Variants in DOCK4 observed in about 807,000 individuals in gnomAD.
DOCK4 encodes the protein dedicator of cytokinesis 4.
Under a neutral mutation model 268.1 loss-of-function variants are expected in DOCK4, and 97 were observed. That is an observed-to-expected ratio of 0.36 (90% CI 0.31 to 0.43). The LOEUF (loss-of-function observed/expected upper bound fraction) is 0.43. DOCK4 is among the 20% of genes least tolerant of loss of function. The probability of loss-of-function intolerance (pLI) is 1.00; values close to 1 mark genes in which losing one functional copy is unlikely to be tolerated. For synonymous variants in DOCK4, 954 were observed against 887.2 expected (o/e 1.08, Z -1.34); for missense variants, 2,145 against 2,455.7 (o/e 0.87, Z 2.67).
chr7:112,064,448 T>C (rs943341488), intron 1 of DOCK4, among the ~76,000 whole-genome samples: 2 of 152,102 alleles, frequency 1.3e-5, no homozygotes, highest in Non-Finnish European at 2.9e-5. Context: ...GAGCAAAAAA[T>C]TTATAAGCCA....
chr7:111,783,898 A>G lies in DOCK4; in HGVS notation c.3483T>C (p.Ile1161=). The G allele has an allele frequency of 6.2e-7, 1 of 1,606,096 alleles. No homozygotes were observed. The highest frequency in any genetic ancestry group is 1.3e-5 in the African/African-American group (1 of 74,944). Residue 1161 remains isoleucine, a synonymous_variant, in exon 34 of 53, where the codon ATT becomes ATC. Coordinates refer to ENST00000428084, the MANE Select transcript of DOCK4 (RefSeq NM_001363540.2). ...ETWRESGVSL[I]ATVTRLMERL... The stretch of plus-strand genomic sequence containing the variant: ...TCTCCATTAGACGAGTTACAGTAGC[A>G]ATTAATGAAACGCCACTTTCCCGCC...
intron 26 of DOCK4, among the ~76,000 whole-genome samples, chr7:111,828,663 C>T (rs921365494): frequency 2.0e-5 from 3 of 151,874 alleles, no homozygotes; most frequent in African/African-American, 4.8e-5. Context: ...ATTTATTCTA[C>T]AGCAATATGG....
chr7:112,176,716 AT>A (rs1169377432), intron 1 of DOCK4, among the ~76,000 whole-genome samples: 2 of 152,228 alleles, frequency 1.3e-5, no homozygotes, highest in Non-Finnish European at 2.9e-5. Flanking sequence ...AAACTGACTC[AT>A]TACAGTAAGC....
At chr7:111,807,851 C>G (rs1382027801) in intron 30 of DOCK4, 1 of 151,358 alleles carries the variant, frequency 6.6e-6, no homozygotes, top group African/African-American at 2.4e-5. Context: ...TTATATATAC[C>G]AAGGCTCCCT....
chr7:111,950,801 T>C (rs1562928962), intron 8 of DOCK4, among the ~76,000 whole-genome samples: 1 of 152,352 alleles, frequency 6.6e-6, no homozygotes, highest in African/African-American at 2.4e-5. Context: ...CATTTAATGC[T>C]GTCCTCATGA....
At chr7:112,135,303 T>C (rs1348072926) in intron 1 of DOCK4, among the ~76,000 whole-genome samples, 1 of 152,200 alleles carries the variant, frequency 6.6e-6, no homozygotes, top group Non-Finnish European at 1.5e-5. Context: ...TTAATATATT[T>C]ACGCTTTACC....
chr7:111,951,667 GAAGA>G (rs1236431512), intron 8 of DOCK4, among the ~76,000 whole-genome samples: 1 of 147,666 alleles, frequency 6.8e-6, no homozygotes, highest in Non-Finnish European at 1.5e-5. Context: ...AAAAAAAGAA[GAAGA>G]AAGAAAGAAA....
chr7:111,938,258 T>G (rs1794900807), intron 11 of DOCK4, among the ~76,000 whole-genome samples: 3 of 152,216 alleles, frequency 2.0e-5, no homozygotes, highest in African/African-American at 7.2e-5. Context: ...TTATTGAATG[T>G]GTTACATAGG....
intron 13 of DOCK4, among the ~76,000 whole-genome samples, chr7:111,912,385 G>A (rs1395433854): frequency 5.3e-5 from 8 of 152,026 alleles, no homozygotes; most frequent in African/African-American, 1.4e-4. Context: ...TATGCTATTC[G>A]TCATCTTCTA....
rs199760187 is a variant in DOCK4, at chr7:112,066,623, C to T, written c.38-62492G>A. Among the ~76,000 whole-genome samples, 9 of 105,710 alleles carry T rather than the reference C, an allele frequency of 8.5e-5. No individual in the cohort carries two copies. In the East Asian group the frequency reaches 1.5e-3, roughly 17 times the overall value. 69.3% of individuals were successfully genotyped at this position (105,710 alleles called of 152,430 possible). On this transcript the variant is annotated intron_variant, in intron 1 of 52. Coordinates refer to ENST00000428084, the MANE Select transcript of DOCK4 (RefSeq NM_001363540.2). Reference sequence around the variant, plus strand: ...ATATATACACGTGTATACATATATACGTGTATATATACACACATATACATA... The same window carrying T: ...ATATATACACGTGTATACATATATATGTGTATATATACACACATATACATA...
Position 111,736,979 on chromosome 7 carries a change from A to C in DOCK4, c.5243T>G (p.Phe1748Cys). The stretch of plus-strand genomic sequence containing the variant: ...CAAGGCCCCGTCTCCAATATGATTA[A>C]ACAGCATCCTCTGCAAAGTTACAAG... ...TPVEPSQRMLFNHIGDGALPR... is the reference protein window; with the variant it reads ...TPVEPSQRMLCNHIGDGALPR... The change falls in exon 50 of 53, where the codon TTT becomes TGT. Residue 1748 changes from phenylalanine to cysteine, a missense_variant. By Grantham distance (205) the Phe-to-Cys change is radical. This residue lies in a region of DOCK4 where 547 missense variants were observed against 469.0 expected (regional missense o/e 1.17). Transcript: ENST00000428084. 6.2e-7 allele frequency: 1 copy of C among 1,603,880 alleles called. No homozygotes were observed. The highest frequency in any genetic ancestry group is 8.5e-7 in the Non-Finnish European group (1 of 1,175,018).
chr7:111,863,970 CA>C (rs901281872), intron 22 of DOCK4, among the ~76,000 whole-genome samples: 4 of 152,094 alleles, frequency 2.6e-5, no homozygotes, highest in Admixed American at 2.0e-4. Context: ...TTTAAGAAAC[CA>C]AACACATTAA....
At chr7:112,037,657 G>T (rs571462542) in intron 1 of DOCK4, among the ~76,000 whole-genome samples, 6 of 152,110 alleles carry the variant, frequency 3.9e-5, no homozygotes, top group Non-Finnish European at 8.8e-5. Context: ...TCCATTACAT[G>T]ACTATACAGT....
chr7:112,094,724 G>A (rs1480072790), intron 1 of DOCK4, among the ~76,000 whole-genome samples: 2 of 152,260 alleles, frequency 1.3e-5, no homozygotes, highest in East Asian at 3.9e-4. Context: ...AAGTTGAATT[G>A]TAACTCCCCA....
intron 8 of DOCK4, among the ~76,000 whole-genome samples, chr7:111,974,106 C>T (rs1214008583): frequency 6.6e-6 from 1 of 152,066 alleles, no homozygotes; most frequent in Non-Finnish European, 1.5e-5. Flanking sequence ...GAGTCACCAT[C>T]AACTGCAGAG....
At chr7:111,928,590 T>TC (rs1554377569) in intron 12 of DOCK4, among the ~76,000 whole-genome samples, 1 of 113,568 alleles carries the variant, frequency 8.8e-6, no homozygotes, top group African/African-American at 3.3e-5. Flanking sequence ...CTTTTTCTTT[T>TC]TTTTTTTTTT....
intron 13 of DOCK4, among the ~76,000 whole-genome samples, chr7:111,908,019 T>C (rs1476301169): frequency 2.6e-5 from 4 of 152,142 alleles, no homozygotes; most frequent in South Asian, 4.2e-4. Context: ...TGTGCCATCA[T>C]GCCCAACTAG....
At chr7:112,085,392 G>T (rs1563070053) in intron 1 of DOCK4, among the ~76,000 whole-genome samples, 1 of 151,802 alleles carries the variant, frequency 6.6e-6, no homozygotes, top group Non-Finnish European at 1.5e-5. Flanking sequence ...AAATGCACTA[G>T]ATTGAAAGAC....
intron 1 of DOCK4, among the ~76,000 whole-genome samples, chr7:112,124,270 C>T (rs959889389): frequency 1.3e-5 from 2 of 152,300 alleles, no homozygotes; most frequent in Non-Finnish European, 2.9e-5. Context: ...ATCCTCCTGA[C>T]TTGTCCTTCA....
Sources: gnomAD v4.1 joint callset for allele counts (sites outside exome capture counted in the v4.1 genomes callset) on GRCh38, gnomAD v4.1.1 for gene constraint, gnomAD v4.1.1 regional missense constraint, MANE v1.5 for transcripts, NCBI Gene and HGNC (gene_info 2026-07-23, HGNC 2026-07-21) for gene names.